The following HOMER1 variants were observed in gnomAD, a reference collection of about 807,000 sequenced individuals.
HOMER1 encodes homer protein homolog 1.
Under a neutral mutation model 48.9 loss-of-function variants are expected in HOMER1, and 3 were observed. The observed-to-expected ratio is 0.06, with a 90% CI of 0.03 to 0.16. The LOEUF is 0.16. HOMER1 is among the 10% of genes least tolerant of loss of function. The probability of loss-of-function intolerance (pLI) is 1.00; values close to 1 mark genes in which losing one functional copy is unlikely to be tolerated. For missense variants in HOMER1, 247 were observed against 411.4 expected, an observed-to-expected ratio of 0.60 and a Z score of 3.46; for synonymous variants, 134 against 146.4, an observed-to-expected ratio of 0.92 and a Z score of 0.61.
At chr5:79,397,730 C>G in intron 6 of HOMER1, 93 bp from the exon 7 acceptor site, 1 of 601,624 alleles carries the variant, frequency 1.7e-6, no homozygotes, top group African/African-American at 1.9e-5. Flanking sequence ...ATAGTATATT[C>G]TGAATAAATA....
At chr5:79,378,222 C>CA (rs58802660) in intron 8 of HOMER1, among the ~76,000 whole-genome samples, 6,093 of 85,038 alleles carry the variant, frequency 0.072, 232 homozygotes, top group Non-Finnish European at 0.11. Context: ...GACTCTGTCT[C>CA]AAAAAAAAAA....
At chr5:79,399,762 A>G (rs895033694) in intron 6 of HOMER1, among the ~76,000 whole-genome samples, 5 of 152,148 alleles carry the variant, frequency 3.3e-5, no homozygotes, top group African/African-American at 1.2e-4. Flanking sequence ...TTTTCTGAAA[A>G]AACAGTAAAA....
At chr5:79,440,880 C>A (rs116689824) in intron 4 of HOMER1, among the ~76,000 whole-genome samples, 4 of 152,250 alleles carry the variant, frequency 2.6e-5, no homozygotes, top group Non-Finnish European at 5.9e-5. Flanking sequence ...AAACAAGTTA[C>A]CGGCCGGGAC....
intron 6 of HOMER1, among the ~76,000 whole-genome samples, 153 bp downstream of exon 6, chr5:79,401,746 C>G (rs1749541667): frequency 6.6e-6 from 1 of 152,166 alleles, no homozygotes. Flanking sequence ...AAATATTTTT[C>G]TTAATCAAAC....
Position 79,501,460 on chromosome 5 carries a change from T to G in HOMER1, c.5+11310A>C, listed in dbSNP as rs978213242. On this transcript the variant is annotated intron_variant, in intron 1 of 8. Coordinates refer to ENST00000334082, the MANE Select transcript of HOMER1 (RefSeq NM_004272.5). ...GGTAAATGTGAGTTGGTGGGGCAAT[T>G]AGTACCTCTAACCCCCACCATGTTC... 4.6e-5 allele frequency among the ~76,000 whole-genome samples: 7 copies of G among 152,272 alleles called. No homozygotes were observed. In the South Asian group the frequency reaches 8.3e-4, roughly 18 times the overall value.
intron 5 of HOMER1, among the ~76,000 whole-genome samples, chr5:79,405,008 C>A (rs1749628645): frequency 1.3e-5 from 2 of 152,098 alleles, no homozygotes; most frequent in African/African-American, 4.8e-5. Flanking sequence ...CGTGCCCGGT[C>A]CTGATTGCCT....
intron 5 of HOMER1, among the ~76,000 whole-genome samples, chr5:79,430,042 ACATTTGTGCTGCAAAGCAC>A (rs1750377569): frequency 6.6e-6 from 1 of 151,540 alleles, no homozygotes; most frequent in Non-Finnish European, 1.5e-5. Context: ...AAAAATTAAA[ACATTTGTGCTGCAAAGCAC>A]CAAGAAAAAA....
intron 5 of HOMER1, among the ~76,000 whole-genome samples, chr5:79,433,277 G>A (rs1196255262): frequency 6.6e-6 from 1 of 152,130 alleles, no homozygotes; most frequent in Non-Finnish European, 1.5e-5. Context: ...CTATATTTAA[G>A]ATCAGGGCTG....
At chr5:79,390,462 A>G (rs905219943) in intron 8 of HOMER1, among the ~76,000 whole-genome samples, 20 of 152,330 alleles carry the variant, frequency 1.3e-4, no homozygotes, top group Admixed American at 1.3e-3. Flanking sequence ...ATCAAGAGAT[A>G]GTTAAAAAGA....
At chr5:79,413,693 TAA>T (rs34091926) in intron 5 of HOMER1, among the ~76,000 whole-genome samples, 25 of 141,684 alleles carry the variant, frequency 1.8e-4, no homozygotes, top group Admixed American at 4.9e-4. Context: ...AATTTTAACG[TAA>T]AAAAAAAAAA....
intron 5 of HOMER1, among the ~76,000 whole-genome samples, chr5:79,436,008 C>A (rs1750571246): frequency 6.7e-6 from 1 of 149,672 alleles, no homozygotes; most frequent in South Asian, 2.1e-4. Flanking sequence ...CGCCTGTAGT[C>A]CCAGCTACTC....
chr5:79,432,986 G>A (rs1750465639), intron 5 of HOMER1, among the ~76,000 whole-genome samples: 1 of 152,120 alleles, frequency 6.6e-6, no homozygotes, highest in African/African-American at 2.4e-5. Context: ...TTATTAAAGA[G>A]AATCCTACAA....
chr5:79,386,952 TTTCTTCCTTCCCTTCCC>T lies in HOMER1; in HGVS notation c.876+9854_876+9870del, dbSNP rs948025144. 3.7e-3 allele frequency among the ~76,000 whole-genome samples: 476 copies of T among 127,028 alleles called. 3 individuals are homozygous for T. Among genetic ancestry groups the T allele is most frequent in the African/African-American group, 0.012 (415 of 35,172 alleles). The allele number at this position is 127,028 out of a possible 152,430, so 83.3% of individuals were successfully genotyped here. A position where few individuals can be genotyped will look rare whatever the true frequency, so the allele number is the denominator to read the frequency against. ...CCCCTCCCTTCCTTCCTTCCTTTCC[TTTCTTCCTTCCCTTCCC>T]TTCTTCCTTCCCTCCCTCTCTGAAC... On this transcript the variant is annotated intron_variant, in intron 8 of 8. Coordinates refer to ENST00000334082, the MANE Select transcript of HOMER1 (RefSeq NM_004272.5).
intron 5 of HOMER1, among the ~76,000 whole-genome samples, chr5:79,433,881 A>G (rs543255051): frequency 2.1e-4 from 32 of 152,310 alleles, no homozygotes; most frequent in Admixed American, 6.5e-4. Flanking sequence ...AGAAAATAAT[A>G]TTTCTGCATA....
chr5:79,414,881 C>A (rs1053429127), intron 5 of HOMER1, among the ~76,000 whole-genome samples: 2 of 152,112 alleles, frequency 1.3e-5, no homozygotes, highest in African/African-American at 2.4e-5. Context: ...TATAGGTAAA[C>A]AGATTGAGAT....
chr5:79,504,789 T>C (rs1443862387), intron 1 of HOMER1, among the ~76,000 whole-genome samples: 1 of 152,122 alleles, frequency 6.6e-6, no homozygotes, highest in Admixed American at 6.6e-5. Flanking sequence ...ATCAGAAAAA[T>C]AATTGGTATA....
At chr5:79,492,002 C>A (rs1490873766) in intron 1 of HOMER1, among the ~76,000 whole-genome samples, 1 of 152,126 alleles carries the variant, frequency 6.6e-6, no homozygotes, top group Non-Finnish European at 1.5e-5. Flanking sequence ...CTAAGTTGTT[C>A]TGCCTGTACT....
chr5:79,511,388 A>C (rs1377282476), intron 1 of HOMER1, among the ~76,000 whole-genome samples: 1 of 152,268 alleles, frequency 6.6e-6, no homozygotes, highest in Non-Finnish European at 1.5e-5. Flanking sequence ...GAAACCAACT[A>C]GTGATCATTA....
chr5:79,512,671 G>A (rs1477339933), intron 1 of HOMER1, 99 bp downstream of exon 1: 3 of 1,151,612 alleles, frequency 2.6e-6, no homozygotes, highest in Non-Finnish European at 3.9e-6. Flanking sequence ...TAGCAAGGTG[G>A]CAAGTTTGTT....
Sources: gnomAD v4.1 joint callset for allele counts (sites outside exome capture counted in the v4.1 genomes callset) on GRCh38, gnomAD v4.1.1 for gene constraint, MANE v1.5 for transcripts, NCBI Gene and HGNC (gene_info 2026-07-23, HGNC 2026-07-21) for gene names.